Variants in DLGAP1 observed in about 807,000 individuals in gnomAD.
DLGAP1 encodes DLG associated protein 1.
DLGAP1 carries 11 observed loss-of-function variants against 90.8 expected under a neutral mutation model. The ratio of observed to expected loss-of-function variants is 0.12; its 90% CI spans 0.08 to 0.20. The LOEUF (loss-of-function observed/expected upper bound fraction) is 0.20, where lower values mean the gene tolerates loss of function less well. Among genes scored for constraint, DLGAP1 ranks in the 10% least tolerant of loss-of-function variants. DLGAP1 has a pLI of 1.00. For missense variants in DLGAP1, 1,050 were observed against 1,333.8 expected, an observed-to-expected ratio of 0.79 and a Z score of 3.31; for synonymous variants, 558 against 540.7, an observed-to-expected ratio of 1.03 and a Z score of -0.44.
intron 3 of DLGAP1, among the ~76,000 whole-genome samples, chr18:3,883,310 A>G (rs1194448774): frequency 6.6e-6 from 1 of 152,222 alleles, no homozygotes; most frequent in Non-Finnish European, 1.5e-5. Context: ...CCTCATGAAA[A>G]AAGATTTTTG....
At chr18:3,562,701 C>T (rs370669344) in intron 9 of DLGAP1, among the ~76,000 whole-genome samples, 71 of 140,580 alleles carry the variant, frequency 5.1e-4, no homozygotes, top group East Asian at 4.3e-3. Context: ...CGCGCCACCA[C>T]GCCTGGTTAA....
intron 1 of DLGAP1, among the ~76,000 whole-genome samples, chr18:4,411,732 A>T (rs935379841): frequency 3.3e-5 from 5 of 152,158 alleles, no homozygotes; most frequent in Non-Finnish European, 5.9e-5. Context: ...TTCTGGCCAT[A>T]GGCTAGGATA....
At chr18:3,541,276 G>C (rs1049215194) in intron 9 of DLGAP1, among the ~76,000 whole-genome samples, 1 of 152,128 alleles carries the variant, frequency 6.6e-6, no homozygotes, top group Admixed American at 6.6e-5. Flanking sequence ...CAGAAAGAAA[G>C]AAGAAGGGAA....
intron 3 of DLGAP1, among the ~76,000 whole-genome samples, chr18:3,921,133 T>C (rs16945655): frequency 0.25 from 38,557 of 152,064 alleles, 6,479 homozygotes; most frequent in African/African-American, 0.48. Context: ...CTTTTATAAA[T>C]CACAAATGCA....
At chr18:3,874,149 C>A (rs1470509875) in intron 4 of DLGAP1, 1 of 1,549,930 alleles carries the variant, frequency 6.5e-7, no homozygotes, top group East Asian at 2.4e-5. Context: ...GAGTTATACC[C>A]AAACCTGGTC....
intron 3 of DLGAP1, among the ~76,000 whole-genome samples, chr18:3,991,384 C>T (rs771201164): frequency 7.2e-5 from 11 of 152,116 alleles, no homozygotes; most frequent in Non-Finnish European, 1.3e-4. Flanking sequence ...GTTTAAGAGA[C>T]ATGGTTGGTT....
intron 2 of DLGAP1, among the ~76,000 whole-genome samples, chr18:4,106,527 C>T (rs1018519712): frequency 3.3e-5 from 5 of 152,170 alleles, no homozygotes; most frequent in African/African-American, 9.7e-5. Flanking sequence ...TTTAACTGTG[C>T]AGGTCAGAAA....
chr18:3,963,555 C>A lies in DLGAP1; in HGVS notation c.-73+41561G>T, dbSNP rs117672543. ...TTGTTTTTATCCTTTACCTTTGAAGCTCCATTCTCTTCTGTGTACTTTGGG... is the reference window on the plus strand; with the variant it reads ...TTGTTTTTATCCTTTACCTTTGAAGATCCATTCTCTTCTGTGTACTTTGGG... On this transcript the variant is annotated intron_variant, in intron 3 of 12. Transcript: ENST00000315677. Among the ~76,000 whole-genome samples the A allele has an allele frequency of 8.7e-3, 1,291 of 148,448 alleles. 9 individuals carry two copies. Among genetic ancestry groups the A allele is most frequent in the Non-Finnish European group, 0.012 (829 of 67,336 alleles).
At chr18:4,083,239 G>T (rs558306262) in intron 2 of DLGAP1, among the ~76,000 whole-genome samples, 1 of 152,198 alleles carries the variant, frequency 6.6e-6, no homozygotes, top group Admixed American at 6.5e-5. Flanking sequence ...TGCTGTTTTG[G>T]TTTTTGACCA....
chr18:3,969,125 A>G (rs187445119), intron 3 of DLGAP1, among the ~76,000 whole-genome samples: 15 of 152,336 alleles, frequency 9.8e-5, no homozygotes, highest in African/African-American at 3.4e-4. Flanking sequence ...TTATTTTGCT[A>G]CTATGAAAGA....
chr18:3,869,725 C>T (rs9956191), intron 4 of DLGAP1, among the ~76,000 whole-genome samples: 64,423 of 151,994 alleles, frequency 0.42, 14,005 homozygotes, highest in South Asian at 0.56. Context: ...ATCAGACATG[C>T]TAATCCCAAT....
At position 4,012,383 on chromosome 18, in the gene DLGAP1, C is replaced by T. The variant is rs1222120231; in HGVS notation, c.-158-7182G>A. Among the ~76,000 whole-genome samples the T allele has an allele frequency of 2.0e-5, 3 of 152,292 alleles. No homozygotes were observed. In the East Asian group the frequency reaches 5.8e-4, roughly 29 times the overall value. ...CCTGCCATCCCCCCCTCTGCCACTT[C>T]CACACAAAGATTCCCCCAGCCACTG... On this transcript the variant is annotated intron_variant, in intron 2 of 12. Coordinates refer to ENST00000315677, the MANE Select transcript of DLGAP1 (RefSeq NM_004746.4).
intron 2 of DLGAP1, among the ~76,000 whole-genome samples, chr18:4,007,549 G>A (rs1043460817): frequency 1.3e-5 from 2 of 151,820 alleles, no homozygotes; most frequent in South Asian, 2.1e-4. Context: ...CCAGCTACTC[G>A]GGAGGCTGAG....
intron 7 of DLGAP1, among the ~76,000 whole-genome samples, chr18:3,599,860 G>A (rs9958696): frequency 8.6e-5 from 13 of 151,554 alleles, no homozygotes; most frequent in African/African-American, 3.1e-4. Flanking sequence ...CTTGTGATCC[G>A]CCCACCTCGG....
intron 1 of DLGAP1, among the ~76,000 whole-genome samples, chr18:4,351,795 T>C (rs1345825977): frequency 1.3e-5 from 2 of 152,218 alleles, no homozygotes; most frequent in African/African-American, 4.8e-5. Context: ...CTCAAATTTA[T>C]TTTATTCTAT....
chr18:4,262,513 C>T (rs1292833862), intron 1 of DLGAP1, among the ~76,000 whole-genome samples: 4 of 152,198 alleles, frequency 2.6e-5, no homozygotes, highest in Non-Finnish European at 5.9e-5. Context: ...CTACATGACA[C>T]TAAATTAAAT....
At chr18:4,425,562 T>C (rs1231138178) in intron 1 of DLGAP1, among the ~76,000 whole-genome samples, 2 of 152,200 alleles carry the variant, frequency 1.3e-5, no homozygotes, top group African/African-American at 4.8e-5. Flanking sequence ...GAATATGATA[T>C]TGATTTCAAG....
chr18:3,594,060 G>A (rs2056432439), intron 7 of DLGAP1: 2 of 149,998 alleles, frequency 1.3e-5, no homozygotes, highest in Admixed American at 1.3e-4. Flanking sequence ...AATGATGTCA[G>A]ACGCAGCCAC....
chr18:4,043,943 A>G (rs918410846), intron 2 of DLGAP1, among the ~76,000 whole-genome samples: 1 of 152,236 alleles, frequency 6.6e-6, no homozygotes, highest in Admixed American at 6.5e-5. Flanking sequence ...ACATCATCTT[A>G]GCATTGTGTA....
Sources: allele counts gnomAD v4.1 joint callset (sites outside exome capture counted in the v4.1 genomes callset), GRCh38; gene constraint gnomAD v4.1.1; transcripts MANE v1.5; gene names NCBI Gene and HGNC (gene_info 2026-07-23, HGNC 2026-07-21).